SSBP3: variants seen among roughly 807,000 people sequenced by gnomAD.
The protein encoded by SSBP3 is single stranded DNA binding protein 3.
SSBP3 carries 5 observed loss-of-function variants against 69.6 expected under a neutral mutation model. The ratio of observed to expected loss-of-function variants is 0.07; its 90% CI spans 0.04 to 0.15. The LOEUF (loss-of-function observed/expected upper bound fraction) is 0.15, where lower values mean the gene tolerates loss of function less well. SSBP3 is among the 10% of genes least tolerant of loss of function. The pLI is 1.00. For synonymous variants in SSBP3, 196 were observed against 193.4 expected (o/e 1.01, Z -0.11); for missense variants, 312 against 534.0 (o/e 0.58, Z 4.10).
intron 4 of SSBP3, among the ~76,000 whole-genome samples, chr1:54,378,301 G>A (rs1243991517): frequency 1.3e-5 from 2 of 152,328 alleles, no homozygotes; most frequent in South Asian, 4.1e-4. Context: ...CTTGCTTAAA[G>A]AGGATTAAGA....
intron 4 of SSBP3, among the ~76,000 whole-genome samples, chr1:54,303,095 T>G (rs941201202): frequency 9.2e-5 from 14 of 152,078 alleles, no homozygotes; most frequent in Non-Finnish European, 1.8e-4. Flanking sequence ...ACAACACAAT[T>G]AGAGACAAGA....
chr1:54,231,848 C>T (rs538976447), intron 14 of SSBP3, among the ~76,000 whole-genome samples: 1 of 152,260 alleles, frequency 6.6e-6, no homozygotes, highest in African/African-American at 2.4e-5. Context: ...GTGCGCGCCA[C>T]CACACCTGGC....
At chr1:54,341,383 G>A (rs944749383) in intron 4 of SSBP3, among the ~76,000 whole-genome samples, 8 of 152,014 alleles carry the variant, frequency 5.3e-5, no homozygotes, top group Non-Finnish European at 1.2e-4. Flanking sequence ...CCTCACAGTG[G>A]GCCCATACCT....
intron 4 of SSBP3, among the ~76,000 whole-genome samples, chr1:54,372,596 C>T (rs903021056): frequency 1.3e-5 from 2 of 152,208 alleles, no homozygotes; most frequent in African/African-American, 4.8e-5. Flanking sequence ...AGTCTGCATC[C>T]CCCTAGTGCC....
intron 4 of SSBP3, among the ~76,000 whole-genome samples, chr1:54,373,494 T>C (rs1352041378): frequency 6.6e-6 from 1 of 152,094 alleles, no homozygotes; most frequent in African/African-American, 2.4e-5. Flanking sequence ...CTGGGCGCAG[T>C]GGCTCACATC....
rs1644634848 is a variant in SSBP3, at chr1:54,241,368, T to C, written c.801+106A>G. ...AGTTCTAGCAGTTTGGAACCTCTGC[T>C]CAGAAGAATGTGTGAAAGGGAAAGA... On this transcript the variant is annotated intron_variant, in intron 12 of 17. Transcript: ENST00000610401. 7.9e-6 allele frequency: 10 copies of C among 1,263,538 alleles called. 1 individual carries two copies. Among genetic ancestry groups the C allele is most frequent in the Non-Finnish European group, 1.2e-5 (10 of 861,850 alleles). 78.3% of individuals were successfully genotyped at this position (1,263,538 alleles called of 1,614,324 possible). A position where few individuals can be genotyped will look rare whatever the true frequency, so the allele number is the denominator to read the frequency against.
At chr1:54,397,402 C>G (rs1392593430) in intron 4 of SSBP3, among the ~76,000 whole-genome samples, 2 of 152,206 alleles carry the variant, frequency 1.3e-5, no homozygotes, top group Non-Finnish European at 2.9e-5. Flanking sequence ...GACGCTGGAC[C>G]CCTGCCACAC....
At chr1:54,268,074 G>C (rs554267447) in intron 5 of SSBP3, among the ~76,000 whole-genome samples, 1 of 152,318 alleles carries the variant, frequency 6.6e-6, no homozygotes, top group East Asian at 1.9e-4. Flanking sequence ...GGAATCCTGT[G>C]CCCCACGGGG....
intron 4 of SSBP3, among the ~76,000 whole-genome samples, chr1:54,292,384 G>A (rs1645623107): frequency 6.6e-6 from 1 of 152,176 alleles, no homozygotes; most frequent in South Asian, 2.1e-4. Context: ...TCCCTTCTCA[G>A]AGCCCCAGAT....
chr1:54,396,193 GAAAAAAAAAAAAA>G (rs59276509), intron 4 of SSBP3, among the ~76,000 whole-genome samples: 1 of 40,564 alleles, frequency 2.5e-5, no homozygotes, highest in Non-Finnish European at 4.6e-5. Flanking sequence ...CTCCATCTCA[GAAAAAAAAAAAAA>G]AAAAAAAAAA....
intron 4 of SSBP3, among the ~76,000 whole-genome samples, chr1:54,302,094 C>G (rs12730301): frequency 1.3e-5 from 2 of 152,062 alleles, no homozygotes; most frequent in African/African-American, 4.8e-5. Context: ...GTGCCTGCCA[C>G]TCCCACTCAT....
chr1:54,371,494 C>T (rs1301631069), intron 4 of SSBP3, among the ~76,000 whole-genome samples: 1 of 152,178 alleles, frequency 6.6e-6, no homozygotes, highest in African/African-American at 2.4e-5. Context: ...TCTACTGTGA[C>T]ACGGGCACAG....
At chr1:54,298,904 C>A (rs1569687475) in intron 4 of SSBP3, among the ~76,000 whole-genome samples, 1 of 115,416 alleles carries the variant, frequency 8.7e-6, no homozygotes, top group East Asian at 3.6e-4. Context: ...AGAAATTCTG[C>A]AGAGGCTCCA....
intron 4 of SSBP3, among the ~76,000 whole-genome samples, chr1:54,330,351 T>C (rs1281986783): frequency 5.3e-5 from 8 of 152,168 alleles, no homozygotes; most frequent in African/African-American, 1.9e-4. Context: ...GCTCAAGTAG[T>C]GGTTCAGGGA....
chr1:54,386,073 A>G (rs1387786181), intron 4 of SSBP3, among the ~76,000 whole-genome samples: 2 of 152,226 alleles, frequency 1.3e-5, no homozygotes, highest in Non-Finnish European at 2.9e-5. Flanking sequence ...TCAGCCCACA[A>G]GAAAACCATC....
At chr1:54,407,753 T>A (rs1258582810), upstream of SSBP3, among the ~76,000 whole-genome samples, 1 of 38,840 alleles carries the variant, frequency 2.6e-5, no homozygotes, top group Non-Finnish European at 8.9e-5. Context: ...AGGTTGATTT[T>A]TTTTTTTTTT....
intron 12 of SSBP3, 53 bp from the exon 13 acceptor site, chr1:54,241,012 G>A: frequency 1.3e-6 from 2 of 1,561,398 alleles, no homozygotes; most frequent in Non-Finnish European, 1.7e-6. Context: ...ACGAACATGG[G>A]GAGGGGCCGG....
At chr1:54,232,027 G>A (rs1388978147) in intron 14 of SSBP3, among the ~76,000 whole-genome samples, 1 of 152,150 alleles carries the variant, frequency 6.6e-6, no homozygotes, top group African/African-American at 2.4e-5. Context: ...GTGTACTGCT[G>A]TAAGGACACA....
chr1:54,396,232 C>T (rs1433751421), intron 4 of SSBP3, among the ~76,000 whole-genome samples: 1 of 140,482 alleles, frequency 7.1e-6, no homozygotes, highest in African/African-American at 2.8e-5. Flanking sequence ...ACCCCATTAC[C>T]CCAGCGAATC....
Sources: gnomAD v4.1 joint callset for allele counts (sites outside exome capture counted in the v4.1 genomes callset) on GRCh38, gnomAD v4.1.1 for gene constraint, MANE v1.5 for transcripts, NCBI Gene and HGNC (gene_info 2026-07-23, HGNC 2026-07-21) for gene names.